Variants in LSAMP observed in about 807,000 individuals in gnomAD.
LSAMP encodes the protein limbic system associated membrane protein, also known as limbic system-associated membrane protein.
Under a neutral mutation model 38.6 loss-of-function variants are expected in LSAMP, and 7 were observed. That is an observed-to-expected ratio of 0.18 (90% CI 0.10 to 0.34). The LOEUF is 0.34. Ranked by LOEUF, LSAMP falls within the 10% of genes least tolerant of loss-of-function variation. LSAMP has a pLI of 1.00. For missense variants in LSAMP, 313 were observed against 420.0 expected, an observed-to-expected ratio of 0.75 and a Z score of 2.23; for synonymous variants, 154 against 166.8, an observed-to-expected ratio of 0.92 and a Z score of 0.59.
intron 1 of LSAMP, among the ~76,000 whole-genome samples, chr3:116,284,725 AT>A (rs1559813353): frequency 6.6e-6 from 1 of 152,170 alleles, no homozygotes; most frequent in Non-Finnish European, 1.5e-5. Flanking sequence ...AATCACTTCT[AT>A]CTCATGGGCT....
chr3:115,841,124 T>G (rs1934983138), intron 6 of LSAMP, among the ~76,000 whole-genome samples: 1 of 152,240 alleles, frequency 6.6e-6, no homozygotes, highest in South Asian at 2.1e-4. Context: ...AGAGCAGGAC[T>G]CCAAGATGGG....
chr3:116,104,280 C>A (rs543695137), intron 1 of LSAMP, among the ~76,000 whole-genome samples: 1 of 152,000 alleles, frequency 6.6e-6, no homozygotes, highest in Non-Finnish European at 1.5e-5. Context: ...ATATTCAATG[C>A]GAAACAGTGT....
At chr3:116,129,859 G>T (rs1273952745) in intron 1 of LSAMP, among the ~76,000 whole-genome samples, 3 of 152,236 alleles carry the variant, frequency 2.0e-5, no homozygotes, top group African/African-American at 7.2e-5. Context: ...CAGCCCAGTG[G>T]AAAGTAAAGC....
At chr3:116,239,548 A>T (rs2046505816) in intron 1 of LSAMP, among the ~76,000 whole-genome samples, 1 of 152,230 alleles carries the variant, frequency 6.6e-6, no homozygotes, top group African/African-American at 2.4e-5. Context: ...TAAATAAATT[A>T]ACATGTTGTA....
intron 1 of LSAMP, among the ~76,000 whole-genome samples, chr3:116,168,777 A>C (rs1197064598): frequency 6.6e-6 from 1 of 152,202 alleles, no homozygotes; most frequent in Non-Finnish European, 1.5e-5. Context: ...TATGGATTAG[A>C]TATTGGTAGG....
intron 6 of LSAMP, among the ~76,000 whole-genome samples, chr3:115,814,539 T>A (rs1032384015): frequency 6.6e-6 from 1 of 152,180 alleles, no homozygotes; most frequent in African/African-American, 2.4e-5. Flanking sequence ...TTAGAGACAT[T>A]TTGTAATTCA....
At chr3:116,038,789 C>A (rs1245507286) in intron 2 of LSAMP, among the ~76,000 whole-genome samples, 3 of 152,182 alleles carry the variant, frequency 2.0e-5, no homozygotes, top group African/African-American at 7.2e-5. Context: ...TGCTCAAATG[C>A]TTGTCATTTT....
intron 1 of LSAMP, among the ~76,000 whole-genome samples, chr3:116,351,786 G>T (rs1157400331): frequency 6.6e-6 from 1 of 152,002 alleles, no homozygotes; most frequent in African/African-American, 2.4e-5. Flanking sequence ...CACGTAATGT[G>T]AATAAATACA....
chr3:116,151,557 G>T (rs1164564512), intron 1 of LSAMP, among the ~76,000 whole-genome samples: 1 of 151,990 alleles, frequency 6.6e-6, no homozygotes, highest in East Asian at 1.9e-4. Context: ...ATCTATTATG[G>T]CTCGTCCATG....
At chr3:115,949,788 A>G (rs1938222675) in intron 3 of LSAMP, among the ~76,000 whole-genome samples, 1 of 152,112 alleles carries the variant, frequency 6.6e-6, no homozygotes, top group South Asian at 2.1e-4. Context: ...CAAAGAAAAA[A>G]AAAAAGAAAA....
At chr3:115,980,614 T>C (rs1412551497) in intron 3 of LSAMP, among the ~76,000 whole-genome samples, 1 of 152,170 alleles carries the variant, frequency 6.6e-6, no homozygotes, top group Admixed American at 6.6e-5. Flanking sequence ...TGACAATCCA[T>C]TTTGGAACAC....
intron 1 of LSAMP, among the ~76,000 whole-genome samples, chr3:116,310,503 G>T (rs1402873234): frequency 6.6e-6 from 1 of 152,140 alleles, no homozygotes; most frequent in Non-Finnish European, 1.5e-5. Context: ...CTACTCACCA[G>T]CTGTCCAGTC....
intron 1 of LSAMP, among the ~76,000 whole-genome samples, chr3:116,163,250 AGT>A (rs1709944947): frequency 9.5e-6 from 1 of 105,314 alleles, no homozygotes; most frequent in African/African-American, 3.8e-5. Context: ...AACAGTCCCC[AGT>A]GTGTGATGTT....
chr3:115,840,471 A>C (rs1428836158), intron 6 of LSAMP, among the ~76,000 whole-genome samples: 2 of 152,186 alleles, frequency 1.3e-5, no homozygotes, highest in Non-Finnish European at 2.9e-5. Context: ...TAGTTGAGGC[A>C]AAGAATACTT....
chr3:115,864,829 C>T (rs938966173), intron 3 of LSAMP, among the ~76,000 whole-genome samples: 21 of 152,124 alleles, frequency 1.4e-4, no homozygotes, highest in African/African-American at 4.3e-4. Context: ...GCCATACAAA[C>T]GGTCAGGCTG....
intron 3 of LSAMP, among the ~76,000 whole-genome samples, chr3:115,924,401 A>G (rs1937452515): frequency 6.6e-6 from 1 of 152,144 alleles, no homozygotes; most frequent in Non-Finnish European, 1.5e-5. Flanking sequence ...ACAATTGCCA[A>G]TGGACTTATT....
At chr3:116,012,048 C>T (rs990510277) in intron 3 of LSAMP, among the ~76,000 whole-genome samples, 1 of 152,134 alleles carries the variant, frequency 6.6e-6, no homozygotes, top group African/African-American at 2.4e-5. Context: ...GCTTTACAAC[C>T]AAATGAGGCT....
chr3:115,878,306 G>A (rs1442325645), intron 3 of LSAMP, among the ~76,000 whole-genome samples: 2 of 151,984 alleles, frequency 1.3e-5, no homozygotes, highest in Non-Finnish European at 2.9e-5. Flanking sequence ...CTGGTTATGG[G>A]ATATGTTACA....
At chr3:116,027,918 G>A (rs1417596477) in intron 2 of LSAMP, among the ~76,000 whole-genome samples, 1 of 152,124 alleles carries the variant, frequency 6.6e-6, no homozygotes, top group Non-Finnish European at 1.5e-5. Context: ...CAACAAATTA[G>A]TCTCATTAGT....
Sources: gnomAD v4.1 joint callset for allele counts (sites outside exome capture counted in the v4.1 genomes callset) on GRCh38, gnomAD v4.1.1 for gene constraint, MANE v1.5 for transcripts, NCBI Gene and HGNC (gene_info 2026-07-23, HGNC 2026-07-21) for gene names.